ABL1: variants seen among roughly 807,000 people sequenced by gnomAD.
ABL1 encodes the protein tyrosine-protein kinase ABL1.
In ABL1, 11 loss-of-function variants were observed where a neutral mutation model predicts 94.7. The ratio of observed to expected loss-of-function variants is 0.12; its 90% CI spans 0.07 to 0.19. The LOEUF (loss-of-function observed/expected upper bound fraction) is 0.19. Among genes scored for constraint, ABL1 ranks in the 10% least tolerant of loss-of-function variants. The pLI is 1.00. For synonymous variants in ABL1, 656 were observed against 622.4 expected (o/e 1.05, Z -0.80); for missense variants, 1,082 against 1,489.4 (o/e 0.73, Z 4.50).
intron 1 of ABL1, among the ~76,000 whole-genome samples, chr9:130,823,974 T>A (rs1044394973): frequency 1.3e-5 from 2 of 152,198 alleles, no homozygotes; most frequent in Non-Finnish European, 2.9e-5. Flanking sequence ...AATTTTACTG[T>A]TGAATTACAC....
intron 1 of ABL1, among the ~76,000 whole-genome samples, chr9:130,839,603 G>C (rs1024761055): frequency 1.3e-5 from 2 of 152,152 alleles, no homozygotes; most frequent in African/African-American, 4.8e-5. Flanking sequence ...AGTTTAGGTG[G>C]CAGTACTTTT....
intron 1 of ABL1, among the ~76,000 whole-genome samples, chr9:130,842,886 T>C (rs975230843): frequency 2.0e-5 from 3 of 152,246 alleles, no homozygotes; most frequent in African/African-American, 7.2e-5. Context: ...CTCACTGTGG[T>C]GTCTGTTAGG....
At chr9:130,763,015 A>C (rs548432922) in intron 1 of ABL1, among the ~76,000 whole-genome samples, 39 of 152,154 alleles carry the variant, frequency 2.6e-4, no homozygotes, top group African/African-American at 9.4e-4. Flanking sequence ...CTTCCATGTC[A>C]CAAAAAAAGC....
At chr9:130,796,716 TA>T (rs757646922) in intron 1 of ABL1, among the ~76,000 whole-genome samples, 1 of 151,014 alleles carries the variant, frequency 6.6e-6, no homozygotes, top group Non-Finnish European at 1.5e-5. Context: ...GGCTCACAGG[TA>T]AAAAAATAAA....
intron 1 of ABL1, among the ~76,000 whole-genome samples, chr9:130,751,010 G>A (rs1271781730): frequency 1.3e-5 from 2 of 151,550 alleles, no homozygotes; most frequent in Non-Finnish European, 2.9e-5. Flanking sequence ...AGTGTTGATA[G>A]GATAGTGAAG....
chr9:130,781,771 A>G (rs1044459237), intron 1 of ABL1, among the ~76,000 whole-genome samples: 3 of 151,900 alleles, frequency 2.0e-5, no homozygotes, highest in Non-Finnish European at 2.9e-5. Context: ...CCCCTTAACC[A>G]TCTAAATCTG....
At chr9:130,720,042 G>A (rs1238318130) in intron 1 of ABL1, among the ~76,000 whole-genome samples, 1 of 152,172 alleles carries the variant, frequency 6.6e-6, no homozygotes, top group Non-Finnish European at 1.5e-5. Flanking sequence ...ACAATTGAAA[G>A]CACTTAGTAG....
chr9:130,766,205 G>A (rs1176999980), intron 1 of ABL1, among the ~76,000 whole-genome samples: 11 of 152,210 alleles, frequency 7.2e-5, no homozygotes, highest in Admixed American at 6.5e-4. Context: ...AAGAAGCCTC[G>A]GCCCCCAGTG....
intron 1 of ABL1, among the ~76,000 whole-genome samples, chr9:130,826,875 G>A (rs1194855107): frequency 6.6e-6 from 1 of 152,078 alleles, no homozygotes; most frequent in East Asian, 1.9e-4. Flanking sequence ...TCAGGAGATC[G>A]AGACCATCCT....
chr9:130,783,557 C>CT (rs764506557), intron 1 of ABL1, among the ~76,000 whole-genome samples: 95 of 152,232 alleles, frequency 6.2e-4, no homozygotes, highest in Non-Finnish European at 1.1e-3. Context: ...AATGTAAGGT[C>CT]TCCCCTCAAA....
At chr9:130,840,190 A>G (rs750130228) in intron 1 of ABL1, among the ~76,000 whole-genome samples, 3 of 152,188 alleles carry the variant, frequency 2.0e-5, no homozygotes, top group Non-Finnish European at 4.4e-5. Context: ...AATCCCACCC[A>G]TAGTTTTTCT....
intron 1 of ABL1, among the ~76,000 whole-genome samples, chr9:130,846,042 T>C (rs1318852995): frequency 6.6e-6 from 1 of 151,938 alleles, no homozygotes; most frequent in African/African-American, 2.4e-5. Flanking sequence ...TTTTGGGATT[T>C]GAAGATAACA....
At chr9:130,806,595 C>G (rs535652709) in intron 1 of ABL1, among the ~76,000 whole-genome samples, 8 of 152,294 alleles carry the variant, frequency 5.3e-5, no homozygotes, top group African/African-American at 1.9e-4. Context: ...GGGAGGATCA[C>G]TTGAGCCCCA....
chr9:130,882,148 A>G (rs917732625), intron 10 of ABL1, among the ~76,000 whole-genome samples: 7 of 152,136 alleles, frequency 4.6e-5, no homozygotes, highest in Admixed American at 2.6e-4. Flanking sequence ...GCTGAGCAGT[A>G]GGGAGGAGAG....
chr9:130,765,580 G>A (rs1386919578), intron 1 of ABL1, among the ~76,000 whole-genome samples: 4 of 152,128 alleles, frequency 2.6e-5, no homozygotes, highest in African/African-American at 9.7e-5. Flanking sequence ...ATTGCCAGTT[G>A]CCCTTCTGGA....
rs942920782 is a variant in ABL1 at position 130,884,334 on chromosome 9, C to T, written c.2044C>T (p.Arg682Trp). Reference sequence around the variant, plus strand: ...CCGGGAGTCCGGGGGCTCAGGCTTCCGGTCTCCCCACCTGTGGAAGAAGTC... The same window carrying T: ...CCGGGAGTCCGGGGGCTCAGGCTTCTGGTCTCCCCACCTGTGGAAGAAGTC... ...ALRESGGSGFRSPHLWKKSST... is the reference protein window; with the variant it reads ...ALRESGGSGFWSPHLWKKSST... Residue 682 changes from arginine (R) to tryptophan (W), a missense_variant, in exon 11 of 11, where the codon CGG (arginine) becomes TGG (tryptophan). By Grantham distance (101) the Arg-to-Trp change is moderately radical. Around this residue, in one of 7 missense-constraint regions of ABL1, gnomAD observed 780 missense variants for 835.8 expected, o/e 0.93. Transcript: ENST00000318560. This position sits in a 1 kb window ranked among gnomAD's most constrained non-coding sequence, Gnocchi z 5.6. The T allele has an allele frequency of 9.9e-6, 16 of 1,611,880 alleles. No homozygotes were observed. Among genetic ancestry groups the T allele is most frequent in the South Asian group, 3.3e-5 (3 of 91,052 alleles).
intron 1 of ABL1, among the ~76,000 whole-genome samples, chr9:130,852,125 T>C (rs1830877881): frequency 6.6e-6 from 1 of 152,218 alleles, no homozygotes; most frequent in Non-Finnish European, 1.5e-5. Context: ...AATGACATGA[T>C]TTGGGATTAC....
chr9:130,798,501 G>A (rs1830010101), intron 1 of ABL1, among the ~76,000 whole-genome samples: 1 of 152,140 alleles, frequency 6.6e-6, no homozygotes, highest in Non-Finnish European at 1.5e-5. Flanking sequence ...AGATGGAGTG[G>A]TATTTTCCAG....
At position 130,872,267 on chromosome 9, in the gene ABL1, A is replaced by G. The variant is rs1320134129; in HGVS notation, c.907+54A>G. 1.3e-6 allele frequency: 2 copies of G among 1,530,166 alleles called. No individual in the cohort carries two copies. The highest frequency in any genetic ancestry group is 3.5e-5 in the Admixed American group (2 of 57,238). 94.8% of individuals were successfully genotyped at this position (1,530,166 alleles called of 1,614,324 possible). A position where few individuals can be genotyped will look rare whatever the true frequency, so the allele number is the denominator to read the frequency against. On this transcript the variant is annotated intron_variant, in intron 5 of 10. Transcript: ENST00000318560. This position sits in a 1 kb window ranked among gnomAD's most constrained non-coding sequence, Gnocchi z 5.0. ...GGTCTCGCGCCGCACCCCCAGGGTG[A>G]CACAGGCGCTGGGGAAGACGCACGG...
Sources: allele counts gnomAD v4.1 joint callset (sites outside exome capture counted in the v4.1 genomes callset), GRCh38; gene constraint gnomAD v4.1.1; regional missense constraint gnomAD v4.1.1; non-coding constraint Gnocchi (gnomAD v3.1); transcripts MANE v1.5; gene names NCBI Gene and HGNC (gene_info 2026-07-23, HGNC 2026-07-21).